The following GRIP1 variants were observed in gnomAD, a reference collection of about 807,000 sequenced individuals.
GRIP1 encodes the protein glutamate receptor interacting protein 1, also known as glutamate receptor-interacting protein 1.
GRIP1 carries 45 observed loss-of-function variants against 129.9 expected under a neutral mutation model. The ratio of observed to expected loss-of-function variants is 0.35; its 90% confidence interval spans 0.27 to 0.44. The LOEUF (loss-of-function observed/expected upper bound fraction) is 0.44, where lower values mean the gene tolerates loss of function less well. GRIP1 is among the 20% of genes least tolerant of loss of function. GRIP1 has a pLI of 1.00. For synonymous variants in GRIP1, 530 were observed against 520.8 expected (o/e 1.02, Z -0.24); for missense variants, 1,196 against 1,396.8 (o/e 0.86, Z 2.29).
At chr12:66,550,512 T>G (rs983765780) in intron 2 of GRIP1, among the ~76,000 whole-genome samples, 7 of 152,212 alleles carry the variant, frequency 4.6e-5, no homozygotes, top group Non-Finnish European at 8.8e-5. Flanking sequence ...GAGAATTTAA[T>G]GAAAGCAGTG....
intron 1 of GRIP1, among the ~76,000 whole-genome samples, chr12:66,982,955 CT>C (rs1176526270): frequency 1.3e-5 from 2 of 152,154 alleles, no homozygotes; most frequent in East Asian, 3.8e-4. Flanking sequence ...ATGAATATGG[CT>C]ACTAGAAAAG....
chr12:66,372,150 A>G, intron 22 of GRIP1: 1 of 599,668 alleles, frequency 1.7e-6, no homozygotes, highest in South Asian at 2.0e-5. Flanking sequence ...TAAGTACTTA[A>G]GCCATTGAGT....
intron 7 of GRIP1, among the ~76,000 whole-genome samples, chr12:66,501,107 T>G (rs548664202): frequency 1.3e-5 from 2 of 152,314 alleles, no homozygotes; most frequent in East Asian, 3.9e-4. Flanking sequence ...TGAGCAACTG[T>G]ACCCTCCTGG....
At chr12:66,971,149 T>C (rs1009487135) in intron 1 of GRIP1, among the ~76,000 whole-genome samples, 3 of 152,168 alleles carry the variant, frequency 2.0e-5, no homozygotes, top group Non-Finnish European at 4.4e-5. Context: ...CCTTCTAGTC[T>C]ATGGTTCCAG....
At chr12:66,832,241 T>C (rs996655516) in intron 1 of GRIP1, among the ~76,000 whole-genome samples, 2 of 152,174 alleles carry the variant, frequency 1.3e-5, no homozygotes, top group Admixed American at 6.5e-5. Context: ...TAGAGAAAAA[T>C]ATTTTATAGC....
chr12:67,062,902 G>T (rs974993085), intron 1 of GRIP1, among the ~76,000 whole-genome samples: 5 of 152,106 alleles, frequency 3.3e-5, no homozygotes, highest in African/African-American at 1.2e-4. Flanking sequence ...TGTTTTATGA[G>T]GTTCTTAAAG....
chr12:66,392,839 G>A (rs781641273), intron 17 of GRIP1, 23 bp from the exon 18 acceptor site: 1 of 1,609,596 alleles, frequency 6.2e-7, no homozygotes. Flanking sequence ...ATAGTAATAG[G>A]AGAGGTAGAA....
intron 1 of GRIP1, among the ~76,000 whole-genome samples, chr12:66,922,158 A>G (rs2041223772): frequency 6.6e-6 from 1 of 152,242 alleles, no homozygotes; most frequent in African/African-American, 2.4e-5. Flanking sequence ...TTGGGAAAGA[A>G]TGAGGAAAAC....
chr12:66,874,659 G>A (rs1376054846), intron 1 of GRIP1, among the ~76,000 whole-genome samples: 1 of 152,000 alleles, frequency 6.6e-6, no homozygotes, highest in Non-Finnish European at 1.5e-5. Flanking sequence ...GAGAGACGCG[G>A]CAGGTGCTAC....
At chr12:66,452,509 G>C (rs1565753366) in intron 11 of GRIP1, among the ~76,000 whole-genome samples, 1 of 152,166 alleles carries the variant, frequency 6.6e-6, no homozygotes, top group Non-Finnish European at 1.5e-5. Flanking sequence ...TTTCATGTGA[G>C]AAGATTTCAT....
chr12:66,389,425 G>A (rs987645903), intron 19 of GRIP1, among the ~76,000 whole-genome samples: 3 of 151,828 alleles, frequency 2.0e-5, no homozygotes, highest in South Asian at 2.1e-4. Flanking sequence ...ATGGGGTTTC[G>A]CCACGTTGCT....
At chr12:66,486,358 A>C (rs1373781279) in intron 7 of GRIP1, among the ~76,000 whole-genome samples, 1 of 152,122 alleles carries the variant, frequency 6.6e-6, no homozygotes, top group African/African-American at 2.4e-5. Context: ...TGTCCCATGT[A>C]GCCAAAGAAT....
intron 1 of GRIP1, among the ~76,000 whole-genome samples, chr12:66,918,917 T>C (rs2041169879): frequency 1.3e-5 from 2 of 152,200 alleles, no homozygotes; most frequent in South Asian, 2.1e-4. Context: ...TTAAGCTTTC[T>C]TTATGCCTTG....
chr12:66,961,037 G>T (rs2041914319), intron 1 of GRIP1, among the ~76,000 whole-genome samples: 1 of 152,142 alleles, frequency 6.6e-6, no homozygotes, highest in African/African-American at 2.4e-5. Flanking sequence ...CCATCTGTGT[G>T]TCCATAAGAT....
At chr12:66,523,995 T>C (rs1329983284) in intron 5 of GRIP1, among the ~76,000 whole-genome samples, 14 of 152,156 alleles carry the variant, frequency 9.2e-5, no homozygotes, top group Admixed American at 7.9e-4. Context: ...TAAATATATA[T>C]ACACCCAATA....
At chr12:66,994,621 A>C (rs1028231018) in intron 1 of GRIP1, among the ~76,000 whole-genome samples, 1 of 152,016 alleles carries the variant, frequency 6.6e-6, no homozygotes, top group African/African-American at 2.4e-5. Context: ...AAAGGAAATA[A>C]ATTACTTAGA....
intron 1 of GRIP1, among the ~76,000 whole-genome samples, chr12:66,817,891 T>C (rs971917761): frequency 6.6e-6 from 1 of 152,236 alleles, no homozygotes; most frequent in Non-Finnish European, 1.5e-5. Context: ...AGGAAGAAGC[T>C]ACATTTTAAT....
chr12:66,896,780 T>C (rs1384740956), intron 1 of GRIP1, among the ~76,000 whole-genome samples: 5 of 152,192 alleles, frequency 3.3e-5, no homozygotes, highest in Non-Finnish European at 7.4e-5. Flanking sequence ...TAACCAGCCA[T>C]AATAAATTCT....
In GRIP1 at chr12:66,747,877, T is replaced by C. The variant is rs542313096; in HGVS notation, c.-420+56176A>G. 3.9e-5 allele frequency among the ~76,000 whole-genome samples: 6 copies of C among 152,300 alleles called. No homozygotes were observed. The South Asian group carries it at 1.2e-3, about 32-fold the overall frequency. ...GAGTTACATAATACATTGAATACAA[T>C]CAACTATAATTCACGTAATACGGAT... On this transcript the variant is annotated intron_variant, in intron 1 of 4. Coordinates refer to the GRIP1 transcript ENST00000538373.
Sources: gnomAD v4.1 joint callset for allele counts (sites outside exome capture counted in the v4.1 genomes callset) on GRCh38, gnomAD v4.1.1 for gene constraint, MANE v1.5 for transcripts, NCBI Gene and HGNC (gene_info 2026-07-23, HGNC 2026-07-21) for gene names.